TRABD2B: variants seen among roughly 807,000 people sequenced by gnomAD.
TRABD2B encodes the protein TraB domain containing 2B.
A neutral mutation model predicts 40.1 loss-of-function variants in TRABD2B; 14 were observed. That is an observed-to-expected ratio of 0.35 (90% CI 0.23 to 0.55). The LOEUF is 0.55. TRABD2B is among the 20% of genes least tolerant of loss of function. The pLI, the probability that TRABD2B is intolerant of heterozygous loss-of-function variation, is 0.90. For missense variants in TRABD2B, 541 were observed against 648.6 expected (o/e 0.83, Z 1.80); for synonymous variants, 263 against 277.0 (o/e 0.95, Z 0.50).
rs575712339 is a variant in TRABD2B at position 47,973,912 on chromosome 1, T to C, written c.666+20122A>G. ...TGAGCTCCGGAGTTCGAGACCAGCC[T>C]GGGCAAGATAGTGAGATCCCATCAC... On this transcript the variant is annotated intron_variant, in intron 2 of 6. Coordinates refer to ENST00000606738, the MANE Select transcript of TRABD2B (RefSeq NM_001194986.2). Among the ~76,000 whole-genome samples the C allele has an allele frequency of 2.8e-4, 42 of 152,298 alleles. No homozygotes were observed. The South Asian group carries it at 7.7e-3, about 28-fold the overall frequency.
chr1:47,830,434 C>T (rs1645233543), intron 2 of TRABD2B, among the ~76,000 whole-genome samples: 1 of 152,248 alleles, frequency 6.6e-6, no homozygotes, highest in South Asian at 2.1e-4. Context: ...AGAAAACCCA[C>T]CAAGCTGGGA....
chr1:47,943,842 T>G (rs991244028), intron 2 of TRABD2B, among the ~76,000 whole-genome samples: 1 of 151,770 alleles, frequency 6.6e-6, no homozygotes, highest in Non-Finnish European at 1.5e-5. Context: ...TTATGAGATA[T>G]GCCTTCAAAT....
At chr1:47,894,915 A>G (rs1219675529) in intron 2 of TRABD2B, among the ~76,000 whole-genome samples, 1 of 152,106 alleles carries the variant, frequency 6.6e-6, no homozygotes, top group Non-Finnish European at 1.5e-5. Flanking sequence ...GACAACCAGA[A>G]TACTGGGTAG....
chr1:47,928,659 G>A (rs922204638), intron 2 of TRABD2B, among the ~76,000 whole-genome samples: 3 of 152,256 alleles, frequency 2.0e-5, no homozygotes, highest in African/African-American at 7.2e-5. Flanking sequence ...AGAGTTCCCA[G>A]TCCAATCCTC....
intron 4 of TRABD2B, 97 bp from the exon 5 acceptor site, chr1:47,778,641 T>G (rs962522173): frequency 8.4e-6 from 7 of 832,036 alleles, no homozygotes; most frequent in African/African-American, 3.4e-5. Flanking sequence ...TCTGGGCCAG[T>G]GACCTACACC....
chr1:47,915,035 A>G (rs978919632), intron 2 of TRABD2B, among the ~76,000 whole-genome samples: 26 of 152,260 alleles, frequency 1.7e-4, no homozygotes, highest in Admixed American at 9.2e-4. Context: ...AGGCAGATTC[A>G]TTAACAAGGA....
At chr1:47,840,190 A>T (rs1159637973) in intron 2 of TRABD2B, among the ~76,000 whole-genome samples, 2 of 152,128 alleles carry the variant, frequency 1.3e-5, no homozygotes, top group African/African-American at 4.8e-5. Flanking sequence ...GGACTGGGGA[A>T]GTTAAGCACG....
chr1:47,835,395 T>C (rs12033112), intron 2 of TRABD2B, among the ~76,000 whole-genome samples: 6,694 of 152,116 alleles, frequency 0.044, 338 homozygotes, highest in East Asian at 0.21. Flanking sequence ...CTGCCAAAAT[T>C]TGATTTAAAA....
At chr1:47,887,724 C>T (rs1055122975) in intron 2 of TRABD2B, among the ~76,000 whole-genome samples, 1 of 152,138 alleles carries the variant, frequency 6.6e-6, no homozygotes, top group Admixed American at 6.5e-5. Flanking sequence ...TTCCTATTAG[C>T]GCTGAAGAGC....
chr1:47,890,916 G>A (rs576818358), intron 2 of TRABD2B, among the ~76,000 whole-genome samples: 1 of 152,228 alleles, frequency 6.6e-6, no homozygotes, highest in Non-Finnish European at 1.5e-5. Context: ...ACTAGTGCCG[G>A]TTCCCATCCC....
At chr1:47,826,138 G>A (rs12071312) in intron 2 of TRABD2B, among the ~76,000 whole-genome samples, 47,566 of 152,094 alleles carry the variant, frequency 0.31, 7,810 homozygotes, top group Non-Finnish European at 0.37. Context: ...GCTTGAAGGG[G>A]ACTGTGGTGA....
intron 2 of TRABD2B, among the ~76,000 whole-genome samples, chr1:47,859,780 C>A (rs929336867): frequency 6.6e-6 from 1 of 152,214 alleles, no homozygotes; most frequent in South Asian, 2.1e-4. Flanking sequence ...GTCCTTAGCA[C>A]CTTCCAGCCT....
chr1:47,896,349 G>T (rs1644521679), intron 2 of TRABD2B, among the ~76,000 whole-genome samples: 1 of 152,234 alleles, frequency 6.6e-6, no homozygotes, highest in Non-Finnish European at 1.5e-5. Flanking sequence ...TGGGGCTGTG[G>T]AGGCTCAAGG....
intron 2 of TRABD2B, among the ~76,000 whole-genome samples, chr1:47,833,951 G>C (rs963620570): frequency 1.3e-5 from 2 of 152,218 alleles, no homozygotes; most frequent in African/African-American, 4.8e-5. Context: ...AGTAAAAACA[G>C]TAAGCTTTGT....
intron 2 of TRABD2B, among the ~76,000 whole-genome samples, chr1:47,857,280 C>G (rs935998832): frequency 6.6e-6 from 1 of 152,170 alleles, no homozygotes; most frequent in Admixed American, 6.5e-5. Context: ...GGACCCTCCC[C>G]CTTCCTGAAG....
chr1:47,903,743 G>A (rs1180923838), intron 2 of TRABD2B, among the ~76,000 whole-genome samples: 1 of 152,142 alleles, frequency 6.6e-6, no homozygotes, highest in African/African-American at 2.4e-5. Flanking sequence ...AATCCCCCAG[G>A]GTGGCAATGC....
intron 2 of TRABD2B, among the ~76,000 whole-genome samples, chr1:47,950,753 G>C (rs950311371): frequency 2.6e-5 from 4 of 152,198 alleles, no homozygotes; most frequent in Admixed American, 2.6e-4. Flanking sequence ...TACCAGAGTG[G>C]TGGAAAAATG....
At chr1:47,938,782 A>G (rs1258292869) in intron 2 of TRABD2B, among the ~76,000 whole-genome samples, 1 of 152,216 alleles carries the variant, frequency 6.6e-6, no homozygotes, top group Non-Finnish European at 1.5e-5. Context: ...GACAGTGCAC[A>G]CAGCCGGAGA....
intron 2 of TRABD2B, among the ~76,000 whole-genome samples, chr1:47,892,273 G>A (rs1418722614): frequency 6.6e-6 from 1 of 152,214 alleles, no homozygotes. Flanking sequence ...GAACAGTCAA[G>A]GATGACTCTA....
Sources: gnomAD v4.1 joint callset for allele counts (sites outside exome capture counted in the v4.1 genomes callset) on GRCh38, gnomAD v4.1.1 for gene constraint, MANE v1.5 for transcripts, NCBI Gene and HGNC (gene_info 2026-07-23, HGNC 2026-07-21) for gene names.